RANBP2: variants seen among roughly 807,000 people sequenced by gnomAD.
RANBP2 encodes the protein RAN binding protein 2.
In RANBP2, 57 loss-of-function variants were observed where a neutral mutation model predicts 303.6. The observed-to-expected ratio is 0.19, with a 90% confidence interval of 0.15 to 0.23. The LOEUF is 0.23. Among genes scored for constraint, RANBP2 ranks in the 10% least tolerant of loss-of-function variants. RANBP2 has a pLI of 1.00. For missense variants in RANBP2, 3,138 were observed against 3,780.8 expected (o/e 0.83, Z 4.46); for synonymous variants, 1,167 against 1,301.5 (o/e 0.90, Z 2.23).
At chr2:109,099,867 G>A in the RANBP2 span, among the ~76,000 whole-genome samples, 1 of 152,074 alleles carries the variant, frequency 6.6e-6, no homozygotes, top group South Asian at 2.1e-4. Context: ...TTCTAAACCT[G>A]CTGTCTCCAT....
the RANBP2 span, among the ~76,000 whole-genome samples, chr2:109,126,688 G>A: frequency 1.3e-5 from 2 of 152,202 alleles, no homozygotes; most frequent in African/African-American, 4.8e-5. Context: ...TAGAGACAGG[G>A]ACAGCAACAC....
the RANBP2 span, among the ~76,000 whole-genome samples, chr2:109,592,635 C>A: frequency 6.6e-6 from 1 of 151,176 alleles, no homozygotes; most frequent in Admixed American, 6.6e-5. Flanking sequence ...AAAAAGTTAG[C>A]CGGACGTGGT....
At chr2:109,198,917 C>G in the RANBP2 span, among the ~76,000 whole-genome samples, 1 of 152,146 alleles carries the variant, frequency 6.6e-6, no homozygotes, top group Non-Finnish European at 1.5e-5. Context: ...TAGCTAAATG[C>G]AGAAAAGGTA....
At chr2:109,249,474 T>C in the RANBP2 span, among the ~76,000 whole-genome samples, 43 of 17,870 alleles carry the variant, frequency 2.4e-3, no homozygotes, top group East Asian at 0.098. Flanking sequence ...TTTCTCTTTC[T>C]TTCTTTCTTT....
At chr2:109,534,497 C>T in the RANBP2 span, among the ~76,000 whole-genome samples, 182 of 152,264 alleles carry the variant, frequency 1.2e-3, 1 homozygote, top group African/African-American at 4.3e-3. Flanking sequence ...TGTTTAGGAA[C>T]GGCTGGACAC....
chr2:109,501,279 C>T, the RANBP2 span, among the ~76,000 whole-genome samples: 2 of 151,960 alleles, frequency 1.3e-5, no homozygotes, highest in East Asian at 1.9e-4. Flanking sequence ...CGTAGATCAG[C>T]GTCTAAAAGG....
the RANBP2 span, among the ~76,000 whole-genome samples, chr2:109,380,199 C>T: frequency 5.9e-5 from 9 of 152,230 alleles, no homozygotes; most frequent in South Asian, 6.2e-4. Context: ...GCCTAGGTAC[C>T]GGCTCGCCCT....
At chr2:109,615,792 G>C in the RANBP2 span, 1 of 1,614,148 alleles carries the variant, frequency 6.2e-7, no homozygotes, top group South Asian at 1.1e-5. Flanking sequence ...CCTAGAAGAT[G>C]GAGGGGACCA....
chr2:109,215,882 C>T, the RANBP2 span, among the ~76,000 whole-genome samples: 1 of 152,220 alleles, frequency 6.6e-6, no homozygotes, highest in East Asian at 1.9e-4. Context: ...GAGGAACCGG[C>T]ATACAGAGTG....
Position 108,764,907 on chromosome 2 carries a change from A to T in RANBP2, c.4368A>T (p.Ser1456=). ...KSGSSFVHQA[S]FKFGQGDLPK... is the part of the protein sequence containing the mutation. The stretch of plus-strand genomic sequence containing the variant: ...GATCTTCATTTGTTCATCAAGCTTC[A>T]TTTAAATTTGGCCAGGGAGATCTTC... The change falls in exon 20 of 29, where the codon TCA becomes TCT. Residue 1456 remains serine (S), a synonymous_variant. Transcript: ENST00000283195. 3 of 1,614,050 alleles carry T rather than the reference A, an allele frequency of 1.9e-6. No homozygotes were observed. Among genetic ancestry groups the T allele is most frequent in the Non-Finnish European group, 1.7e-6 (2 of 1,179,954 alleles).
the RANBP2 span, among the ~76,000 whole-genome samples, chr2:109,679,404 T>A: frequency 5.9e-5 from 9 of 152,236 alleles, no homozygotes; most frequent in African/African-American, 2.2e-4. Flanking sequence ...AATCCATGAC[T>A]AATGTGGATC....
chr2:109,481,373 C>T, the RANBP2 span, among the ~76,000 whole-genome samples: 18 of 152,256 alleles, frequency 1.2e-4, no homozygotes, highest in Admixed American at 6.5e-4. Flanking sequence ...AAGTTTATTG[C>T]GGCTATGCTT....
At chr2:109,290,875 T>A in the RANBP2 span, among the ~76,000 whole-genome samples, 2 of 152,382 alleles carry the variant, frequency 1.3e-5, no homozygotes, top group East Asian at 3.9e-4. Flanking sequence ...TTTTTATTCT[T>A]CATGTATATA....
Position 108,783,906 on chromosome 2 carries a change from A to C in RANBP2, c.*5A>C, listed in dbSNP as rs758831609. The C allele has an allele frequency of 1.3e-5, 21 of 1,603,786 alleles. No individual in the cohort carries two copies. Among genetic ancestry groups the C allele is most frequent in the Admixed American group, 1.7e-5 (1 of 59,962 alleles). ...ACAGAATGTGGACAGATATAAAATC[A>C]TTGTTGTTCATAGAAAATTTCATCT... On this transcript the variant is annotated 3_prime_UTR_variant, in exon 29 of 29. Transcript: ENST00000283195.
the RANBP2 span, among the ~76,000 whole-genome samples, chr2:108,825,759 A>G: frequency 6.6e-6 from 1 of 152,144 alleles, no homozygotes; most frequent in Non-Finnish European, 1.5e-5. Context: ...TGCTATGAAC[A>G]TTTATCCACA....
the RANBP2 span, among the ~76,000 whole-genome samples, chr2:109,238,627 T>G: frequency 2.6e-5 from 4 of 152,128 alleles, no homozygotes; most frequent in Admixed American, 2.6e-4. Context: ...TGCCACTGTT[T>G]CAGAGTTTCT....
chr2:109,213,404 C>T, the RANBP2 span, among the ~76,000 whole-genome samples: 1 of 152,232 alleles, frequency 6.6e-6, no homozygotes, highest in African/African-American at 2.4e-5. Flanking sequence ...TCAAACCTCC[C>T]TCATTTTATT....
chr2:109,045,198 G>A, the RANBP2 span, among the ~76,000 whole-genome samples: 1 of 152,094 alleles, frequency 6.6e-6, no homozygotes, highest in Admixed American at 6.5e-5. Context: ...TGTTGAAGAA[G>A]GACAAAGAGG....
At chr2:109,289,761 C>CT in the RANBP2 span, among the ~76,000 whole-genome samples, 1,295 of 149,782 alleles carry the variant, frequency 8.6e-3, 13 homozygotes, top group East Asian at 0.04. Flanking sequence ...TGAAAATACA[C>CT]TTTTTTTTTT....
Sources: gnomAD v4.1 joint callset for allele counts (sites outside exome capture counted in the v4.1 genomes callset) on GRCh38, gnomAD v4.1.1 for gene constraint, MANE v1.5 for transcripts, NCBI Gene and HGNC (gene_info 2026-07-23, HGNC 2026-07-21) for gene names.